PCDHGA4: variants seen among roughly 807,000 people sequenced by gnomAD.
The protein encoded by PCDHGA4 is protocadherin gamma subfamily A, 4, also known as protocadherin gamma-A4.
Under a neutral mutation model 54.6 loss-of-function variants are expected in PCDHGA4, and 38 were observed. The ratio of observed to expected loss-of-function variants is 0.70; its 90% confidence interval spans 0.54 to 0.91. The LOEUF (loss-of-function observed/expected upper bound fraction) is 0.91, where lower values mean the gene tolerates loss of function less well. Among genes scored for constraint, PCDHGA4 ranks in the 40% least tolerant of loss-of-function variants. The pLI is 0.00. For synonymous variants in PCDHGA4, 511 were observed against 512.9 expected, an observed-to-expected ratio of 1.00 and a Z score of 0.05; for missense variants, 1,298 against 1,220.9, an observed-to-expected ratio of 1.06 and a Z score of -0.94.
intron 1 of PCDHGA4, chr5:141,364,253 T>C (rs1355902961): frequency 1.2e-5 from 18 of 1,490,992 alleles, no homozygotes; most frequent in Non-Finnish European, 1.6e-5. Context: ...TCAGGGAATA[T>C]GTACCCATCG....
chr5:141,452,360 C>A (rs1045666881), intron 1 of PCDHGA4, among the ~76,000 whole-genome samples: 3 of 152,172 alleles, frequency 2.0e-5, no homozygotes, highest in Non-Finnish European at 4.4e-5. Flanking sequence ...AAAAGCCTTG[C>A]TTCATTTTAG....
chr5:141,370,920 C>G, intron 1 of PCDHGA4: 4 of 1,613,994 alleles, frequency 2.5e-6, no homozygotes, highest in South Asian at 1.1e-5. Context: ...CAGCCCTGAT[C>G]CGCACTTCTC....
chr5:141,501,500 C>G (rs1385290676), intron 2 of PCDHGA4, among the ~76,000 whole-genome samples: 1 of 151,934 alleles, frequency 6.6e-6, no homozygotes, highest in Non-Finnish European at 1.5e-5. Context: ...GCTGCTGGGG[C>G]TCCAAGGCCT....
At chr5:141,500,182 A>ATTT (rs1199992745) in intron 2 of PCDHGA4, among the ~76,000 whole-genome samples, 1 of 131,622 alleles carries the variant, frequency 7.6e-6, no homozygotes, top group African/African-American at 3.1e-5. Context: ...CTTCATTTTT[A>ATTT]TTTTTATTTA....
At chr5:141,365,319 G>C (rs745669256) in intron 1 of PCDHGA4, 34 of 1,613,864 alleles carry the variant, frequency 2.1e-5, no homozygotes, top group Non-Finnish European at 2.9e-5. Flanking sequence ...CTTGTTGCCA[G>C]CGCTAAGGTG....
chr5:141,503,268 C>A (rs1038268807), intron 2 of PCDHGA4, among the ~76,000 whole-genome samples: 6 of 152,068 alleles, frequency 3.9e-5, no homozygotes, highest in African/African-American at 7.2e-5. Context: ...AACCCCAGCA[C>A]CTGGCTCTGT....
intron 1 of PCDHGA4, chr5:141,367,550 A>G (rs1175720075): frequency 2.0e-5 from 3 of 147,536 alleles, no homozygotes; most frequent in Non-Finnish European, 4.6e-5. Flanking sequence ...ATAAATAAAT[A>G]AATAAATAAA....
chr5:141,418,178 G>A, intron 1 of PCDHGA4: 1 of 1,614,080 alleles, frequency 6.2e-7, no homozygotes, highest in Non-Finnish European at 8.5e-7. Flanking sequence ...GTTGCAATTG[G>A]AAGCTGTGGT....
chr5:141,379,766 C>G (rs1325223169), intron 1 of PCDHGA4: 1 of 151,638 alleles, frequency 6.6e-6, no homozygotes, highest in Admixed American at 6.6e-5. Context: ...ACCTGCAATA[C>G]AGATCATTAA....
At chr5:141,374,840 GA>G in intron 1 of PCDHGA4, 1 of 1,613,796 alleles carries the variant, frequency 6.2e-7, no homozygotes, top group Non-Finnish European at 8.5e-7. Flanking sequence ...AAGTGTTCCT[GA>G]AAACCTGCCA....
intron 1 of PCDHGA4, chr5:141,440,160 G>A (rs568136682): frequency 6.6e-6 from 1 of 152,324 alleles, no homozygotes; most frequent in East Asian, 1.9e-4. Flanking sequence ...ATTATAGCTT[G>A]GGCCATAACG....
chr5:141,479,806 G>A (rs1188862048), intron 1 of PCDHGA4, among the ~76,000 whole-genome samples: 1 of 152,182 alleles, frequency 6.6e-6, no homozygotes, highest in Non-Finnish European at 1.5e-5. Context: ...AGGGTGGTAT[G>A]CAAGGATACT....
chr5:141,364,561 G>A (rs1763407213), intron 1 of PCDHGA4: 1 of 1,614,078 alleles, frequency 6.2e-7, no homozygotes. Flanking sequence ...TTTTTGCCCT[G>A]AACCCGCGAA....
chr5:141,462,408 A>G (rs1240372917), intron 1 of PCDHGA4, among the ~76,000 whole-genome samples: 2 of 152,188 alleles, frequency 1.3e-5, no homozygotes, highest in Non-Finnish European at 2.9e-5. Context: ...ATGGCACAGA[A>G]TATGGTCTAT....
intron 1 of PCDHGA4, among the ~76,000 whole-genome samples, chr5:141,467,938 C>A (rs527892047): frequency 9.8e-5 from 15 of 152,304 alleles, no homozygotes; most frequent in Non-Finnish European, 1.5e-4. Flanking sequence ...GGATTACAAG[C>A]ATGAGCCACC....
At chr5:141,456,647 C>G (rs773458307) in intron 1 of PCDHGA4, among the ~76,000 whole-genome samples, 2 of 152,152 alleles carry the variant, frequency 1.3e-5, no homozygotes, top group African/African-American at 4.8e-5. Context: ...AGGTGTTAAT[C>G]CCAAAGAAGC....
chr5:141,384,594 G>A (rs769496358), intron 1 of PCDHGA4: 6 of 1,614,162 alleles, frequency 3.7e-6, no homozygotes, highest in East Asian at 2.2e-5. Context: ...TCCTGTACCC[G>A]GCCCTCCCCA....
At chr5:141,408,097 C>T (rs2095040197) in intron 1 of PCDHGA4, 5 of 1,434,516 alleles carry the variant, frequency 3.5e-6, no homozygotes, top group Non-Finnish European at 3.7e-6. Context: ...TTGCCAGCTC[C>T]GAGACCCGGG....
At position 141,487,194 on chromosome 5, in the gene PCDHGA4, C is replaced by T. The variant is rs148502966; in HGVS notation, c.2515-7613C>T. 2 of 1,613,868 alleles carry T rather than the reference C, an allele frequency of 1.2e-6. No homozygotes were observed. The highest frequency in any genetic ancestry group is 1.3e-5 in the African/African-American group (1 of 75,030). On this transcript the variant is annotated intron_variant, in intron 1 of 3. Coordinates refer to ENST00000571252, the MANE Select transcript of PCDHGA4 (RefSeq NM_018917.4). The surrounding 1 kb of genome is among the most constrained non-coding windows in gnomAD (Gnocchi z 5.0). ...GAGGAAGACACTCATCCAGTTGTCC[C>T]AGATCTTCGAGAATCTTCAGCTCCA... is the stretch of plus-strand genomic sequence containing the variant.
Sources: allele counts gnomAD v4.1 joint callset (sites outside exome capture counted in the v4.1 genomes callset), GRCh38; gene constraint gnomAD v4.1.1; non-coding constraint Gnocchi (gnomAD v3.1); transcripts MANE v1.5; gene names NCBI Gene and HGNC (gene_info 2026-07-23, HGNC 2026-07-21).